Variants in SNCAIP observed in about 807,000 individuals in gnomAD.
SNCAIP encodes synphilin-1.
SNCAIP carries 43 observed loss-of-function variants against 86.7 expected under a neutral mutation model. That is an observed-to-expected ratio of 0.50 (90% CI 0.39 to 0.64). The LOEUF (loss-of-function observed/expected upper bound fraction) is 0.64. Among genes scored for constraint, SNCAIP ranks in the 30% least tolerant of loss-of-function variants. The probability of loss-of-function intolerance (pLI) is 0.00; values close to 1 mark genes in which losing one functional copy is unlikely to be tolerated. For synonymous variants in SNCAIP, 417 were observed against 427.2 expected, an observed-to-expected ratio of 0.98 and a Z score of 0.29; for missense variants, 981 against 1,103.1, an observed-to-expected ratio of 0.89 and a Z score of 1.57.
intron 9 of SNCAIP, 68 bp from the exon 10 acceptor site, chr5:122,450,465 C>A: frequency 9.8e-7 from 1 of 1,019,680 alleles, no homozygotes; most frequent in Non-Finnish European, 1.6e-6. Context: ...CAGTAAAGAC[C>A]ATGTAGTGAC....
intron 7 of SNCAIP, among the ~76,000 whole-genome samples, chr5:122,442,027 T>TTTTA (rs986104127): frequency 6.6e-6 from 1 of 152,096 alleles, no homozygotes; most frequent in African/African-American, 2.4e-5. Context: ...GAGACAAGAC[T>TTTTA]TTTACCTCAT....
At chr5:122,377,874 A>AT (rs1765706353) in intron 1 of SNCAIP, among the ~76,000 whole-genome samples, 1 of 151,512 alleles carries the variant, frequency 6.6e-6, no homozygotes, top group South Asian at 2.1e-4. Context: ...TGAACTCATC[A>AT]TTTTTTATGG....
intron 2 of SNCAIP, among the ~76,000 whole-genome samples, chr5:122,401,708 G>A (rs1581012432): frequency 6.6e-6 from 1 of 152,172 alleles, no homozygotes; most frequent in South Asian, 2.1e-4. Flanking sequence ...GAGGCAAAGT[G>A]CCACAAGTGA....
At chr5:122,315,944 T>C (rs1751625615) in intron 1 of SNCAIP, among the ~76,000 whole-genome samples, 1 of 152,164 alleles carries the variant, frequency 6.6e-6, no homozygotes. Context: ...GTCGAAAGCA[T>C]TCTGAGATTT....
At chr5:122,319,651 C>T (rs1752536071) in intron 1 of SNCAIP, among the ~76,000 whole-genome samples, 1 of 152,174 alleles carries the variant, frequency 6.6e-6, no homozygotes, top group Non-Finnish European at 1.5e-5. Flanking sequence ...CATTGAATCT[C>T]GTCTGTGGAT....
Position 122,451,583 on chromosome 5 carries a change from CAAAGG to C in SNCAIP, c.2741_2745del (p.Gly914GlufsTer2). The stretch of plus-strand genomic sequence containing the variant: ...AGGGAAACCCTGCCAGCTCCGCTAG[CAAAGG>C]AAAGAATAAGGCAGTAAGTGCTATT... On this transcript the variant is annotated frameshift_variant, in exon 10 of 11. Coordinates refer to ENST00000261368, the MANE Select transcript of SNCAIP (RefSeq NM_005460.4). LOFTEE classifies it high-confidence loss of function. 6.2e-7 allele frequency: 1 copy of C among 1,609,904 alleles called. No individual in the cohort carries two copies. Among genetic ancestry groups the C allele is most frequent in the Non-Finnish European group, 8.5e-7 (1 of 1,176,502 alleles).
At chr5:122,395,120 T>C (rs1770321629) in intron 2 of SNCAIP, among the ~76,000 whole-genome samples, 1 of 152,200 alleles carries the variant, frequency 6.6e-6, no homozygotes, top group Non-Finnish European at 1.5e-5. Flanking sequence ...AAGGGATTGA[T>C]AGACATTATA....
At chr5:122,328,930 C>T (rs1309725738) in intron 1 of SNCAIP, among the ~76,000 whole-genome samples, 1 of 152,174 alleles carries the variant, frequency 6.6e-6, no homozygotes, top group Non-Finnish European at 1.5e-5. Context: ...TGTTCCTGTT[C>T]CTGTTTCCAT....
intron 1 of SNCAIP, among the ~76,000 whole-genome samples, chr5:122,314,971 G>T (rs1356030112): frequency 1.3e-5 from 2 of 152,164 alleles, no homozygotes; most frequent in Non-Finnish European, 2.9e-5. Context: ...AAACATCGAA[G>T]AACACATTTC....
chr5:122,376,097 G>A (rs1765250709), intron 1 of SNCAIP, among the ~76,000 whole-genome samples: 1 of 152,098 alleles, frequency 6.6e-6, no homozygotes, highest in African/African-American at 2.4e-5. Flanking sequence ...TTTGGACCCA[G>A]CAGTCTGTTT....
At chr5:122,347,162 C>A (rs2152734669) in intron 1 of SNCAIP, among the ~76,000 whole-genome samples, 1 of 152,144 alleles carries the variant, frequency 6.6e-6, no homozygotes, top group East Asian at 1.9e-4. Flanking sequence ...CTTCAAGAAT[C>A]CAGTGTTATT....
intron 1 of SNCAIP, among the ~76,000 whole-genome samples, chr5:122,318,647 A>G (rs991237194): frequency 3.3e-5 from 5 of 152,194 alleles, no homozygotes; most frequent in Admixed American, 2.0e-4. Flanking sequence ...GGACATGAAG[A>G]CAGATTCTCT....
At chr5:122,353,376 T>A (rs1024233593) in intron 1 of SNCAIP, among the ~76,000 whole-genome samples, 4 of 150,580 alleles carry the variant, frequency 2.7e-5, no homozygotes, top group African/African-American at 9.8e-5. Context: ...TTCATCGTTA[T>A]ATAATTATGA....
At position 122,423,539 on chromosome 5, in the gene SNCAIP, G is replaced by T; in HGVS notation, c.802G>T (p.Gly268Cys). The T allele has an allele frequency of 1.2e-6, 2 of 1,614,154 alleles. No individual in the cohort carries two copies. Among genetic ancestry groups the T allele is most frequent in the Non-Finnish European group, 1.7e-6 (2 of 1,180,022 alleles). ...FLNKTFSDPH[G>C]RKVEKTTPDC... Reference sequence around the variant, plus strand: ...AAACAAGACATTTAGTGATCCTCATGGTCGAAAAGTTGAGAAGACAACACC... The same window carrying T: ...AAACAAGACATTTAGTGATCCTCATTGTCGAAAAGTTGAGAAGACAACACC... The change falls in exon 4 of 11, where the codon GGT (glycine) becomes TGT (cysteine). Residue 268 changes from glycine to cysteine, a missense_variant. Physicochemically the swap from Gly to Cys is radical, Grantham distance 159. Transcript: ENST00000261368.
chr5:122,322,191 C>A (rs1409283845), intron 1 of SNCAIP, among the ~76,000 whole-genome samples: 1 of 152,218 alleles, frequency 6.6e-6, no homozygotes, highest in Non-Finnish European at 1.5e-5. Context: ...AGATTTATAT[C>A]CTATGTCAAT....
intron 1 of SNCAIP, among the ~76,000 whole-genome samples, chr5:122,329,979 T>G (rs1754923146): frequency 6.6e-6 from 1 of 152,064 alleles, no homozygotes; most frequent in Non-Finnish European, 1.5e-5. Context: ...GGGGGCAAAT[T>G]GCTTGACCTC....
At chr5:122,408,902 A>C (rs570581059) in intron 3 of SNCAIP, among the ~76,000 whole-genome samples, 75 of 152,354 alleles carry the variant, frequency 4.9e-4, no homozygotes, top group African/African-American at 1.7e-3. Context: ...TGATGAGGAA[A>C]CTGAGGCTCA....
chr5:122,348,034 T>C (rs1758971081), intron 1 of SNCAIP, among the ~76,000 whole-genome samples: 1 of 152,172 alleles, frequency 6.6e-6, no homozygotes, highest in Non-Finnish European at 1.5e-5. Context: ...GTAATGGTTT[T>C]TCTTAAAAAT....
chr5:122,398,200 C>G (rs551574812), intron 2 of SNCAIP, among the ~76,000 whole-genome samples: 7 of 152,240 alleles, frequency 4.6e-5, no homozygotes, highest in African/African-American at 1.4e-4. Context: ...GCTTGCTTAT[C>G]TTTATAAGAC....
Sources: allele counts gnomAD v4.1 joint callset (sites outside exome capture counted in the v4.1 genomes callset), GRCh38; gene constraint gnomAD v4.1.1; transcripts MANE v1.5; gene names NCBI Gene and HGNC (gene_info 2026-07-23, HGNC 2026-07-21).